Variants in CSMD1 observed in about 807,000 individuals in gnomAD.
The protein encoded by CSMD1 is CUB and Sushi multiple domains 1.
In CSMD1, 213 loss-of-function variants were observed where a neutral mutation model predicts 417.5. That is an observed-to-expected ratio of 0.51 (90% confidence interval 0.46 to 0.57). CSMD1 has a LOEUF of 0.57. Among genes scored for constraint, CSMD1 ranks in the 20% least tolerant of loss-of-function variants. The pLI is 0.00. For synonymous variants in CSMD1, 2,862 were observed against 1,736.8 expected, an observed-to-expected ratio of 1.65 and a Z score of -16.11; for missense variants, 6,923 against 4,529.7, an observed-to-expected ratio of 1.53 and a Z score of -15.17.
At chr8:3,600,989 C>G (rs375503176) in intron 8 of CSMD1, among the ~76,000 whole-genome samples, 43 of 152,280 alleles carry the variant, frequency 2.8e-4, no homozygotes, top group African/African-American at 9.4e-4. Context: ...CCAAGGGGGT[C>G]TCTGTACTAA....
chr8:3,304,139 A>G (rs1453976757), intron 25 of CSMD1, among the ~76,000 whole-genome samples: 1 of 152,178 alleles, frequency 6.6e-6, no homozygotes, highest in Non-Finnish European at 1.5e-5. Context: ...AGAGTGAAAA[A>G]TATTTACATT....
intron 3 of CSMD1, among the ~76,000 whole-genome samples, chr8:4,084,612 G>C (rs1327348259): frequency 6.6e-6 from 1 of 152,112 alleles, no homozygotes; most frequent in Admixed American, 6.6e-5. Flanking sequence ...ATGAAAGCGA[G>C]CCTTCCAGAG....
chr8:3,876,096 G>A (rs1340256489), intron 5 of CSMD1, among the ~76,000 whole-genome samples: 1 of 151,482 alleles, frequency 6.6e-6, no homozygotes, highest in Non-Finnish European at 1.5e-5. Flanking sequence ...CTATATATTT[G>A]TTTTCTTCCT....
At position 3,544,744 on chromosome 8, in the gene CSMD1, G is replaced by A. The variant is rs903671966; in HGVS notation, c.1344+30201C>T. On this transcript the variant is annotated intron_variant, in intron 10 of 69. Transcript: ENST00000635120. ...GTTCAGGGAGACCAGGATGCTGGGT[G>A]GAGACAGGGAATGGAGCCAAATCTT... Among the ~76,000 whole-genome samples, 14 of 152,196 alleles carry A rather than the reference G, an allele frequency of 9.2e-5. No individual in the cohort carries two copies. In the Middle Eastern group the frequency reaches 0.014, roughly 148 times the overall value.
chr8:4,952,616 G>C (rs189204866), intron 1 of CSMD1, among the ~76,000 whole-genome samples: 166 of 151,998 alleles, frequency 1.1e-3, no homozygotes, highest in African/African-American at 3.5e-3. Flanking sequence ...TTCACAATTA[G>C]AGCATAGTTG....
intron 3 of CSMD1, among the ~76,000 whole-genome samples, chr8:4,358,643 G>C (rs902103704): frequency 2.6e-5 from 4 of 152,180 alleles, no homozygotes; most frequent in African/African-American, 4.8e-5. Context: ...AATAATTTAT[G>C]AATTCCTTTT....
intron 5 of CSMD1, among the ~76,000 whole-genome samples, chr8:3,884,525 A>G (rs568999048): frequency 1.9e-4 from 29 of 152,284 alleles, no homozygotes; most frequent in African/African-American, 6.7e-4. Flanking sequence ...CGGGGTCCCA[A>G]CACTGCAGTC....
intron 49 of CSMD1, among the ~76,000 whole-genome samples, chr8:3,064,550 A>G (rs1413770177): frequency 4.6e-5 from 7 of 152,212 alleles, no homozygotes; most frequent in Non-Finnish European, 8.8e-5. Flanking sequence ...TATTTCTAGT[A>G]GTGTGAGAAT....
At chr8:3,333,474 A>T (rs937930728) in intron 23 of CSMD1, among the ~76,000 whole-genome samples, 2 of 152,238 alleles carry the variant, frequency 1.3e-5, no homozygotes, top group African/African-American at 4.8e-5. Flanking sequence ...CAGCTAGGTT[A>T]ACAGCTATGT....
chr8:4,959,939 A>G (rs1237592856), intron 1 of CSMD1, among the ~76,000 whole-genome samples: 1 of 152,194 alleles, frequency 6.6e-6, no homozygotes, highest in Non-Finnish European at 1.5e-5. Context: ...TTTTAAAATA[A>G]CACTTACTCT....
At chr8:4,932,882 T>G (rs1189774574) in intron 1 of CSMD1, among the ~76,000 whole-genome samples, 3 of 152,226 alleles carry the variant, frequency 2.0e-5, no homozygotes, top group African/African-American at 7.2e-5. Context: ...AATGCAATAT[T>G]AATTTTTACT....
intron 2 of CSMD1, among the ~76,000 whole-genome samples, chr8:4,425,185 T>C (rs1266414785): frequency 1.3e-5 from 2 of 152,040 alleles, no homozygotes; most frequent in Non-Finnish European, 2.9e-5. Flanking sequence ...AAATTGTGAT[T>C]ACGAAGGGGT....
At chr8:4,518,125 A>G (rs1327526264) in intron 2 of CSMD1, among the ~76,000 whole-genome samples, 1 of 152,174 alleles carries the variant, frequency 6.6e-6, no homozygotes, top group Non-Finnish European at 1.5e-5. Flanking sequence ...TTACAGTATT[A>G]TGTTTTTACT....
chr8:4,004,911 A>C (rs1293430385), intron 4 of CSMD1, among the ~76,000 whole-genome samples: 3 of 151,766 alleles, frequency 2.0e-5, no homozygotes, highest in Admixed American at 2.0e-4. Context: ...TGCCCAGCTA[A>C]TTTTTTGTAT....
rs182398738 is a variant in CSMD1, at chr8:4,059,464, G to C, written c.416-27365C>G. ...AATCAGAGCAGAACTGAAGGAAATA[G>C]AGATGCAAATAACCCTTCAAAAAAT... On this transcript the variant is annotated intron_variant, in intron 3 of 69. Transcript: ENST00000635120. Among the ~76,000 whole-genome samples, 298 of 150,700 alleles carry C rather than the reference G, an allele frequency of 2.0e-3. 5 individuals are homozygous for C. The highest frequency in any genetic ancestry group is 5.4e-4 in the Non-Finnish European group (36 of 67,006).
At chr8:4,870,720 C>T (rs1049001647) in intron 1 of CSMD1, among the ~76,000 whole-genome samples, 1 of 152,084 alleles carries the variant, frequency 6.6e-6, no homozygotes, top group African/African-American at 2.4e-5. Context: ...CCAGCCTTTG[C>T]CTTCCAGACA....
At chr8:3,578,771 C>T (rs1179821988) in intron 9 of CSMD1, among the ~76,000 whole-genome samples, 2 of 152,158 alleles carry the variant, frequency 1.3e-5, no homozygotes, top group Non-Finnish European at 2.9e-5. Flanking sequence ...TCCCTGGAGG[C>T]AGGGAAACTT....
intron 1 of CSMD1, among the ~76,000 whole-genome samples, chr8:4,659,701 T>C (rs893747319): frequency 2.6e-5 from 4 of 152,144 alleles, no homozygotes; most frequent in Non-Finnish European, 4.4e-5. Flanking sequence ...TGATAAACTG[T>C]TTCTCATACA....
chr8:4,408,156 G>A (rs543347370), intron 3 of CSMD1, among the ~76,000 whole-genome samples: 2 of 152,174 alleles, frequency 1.3e-5, no homozygotes, highest in African/African-American at 4.8e-5. Context: ...TGATTTAAAT[G>A]ACTACCAAAG....
Sources: allele counts gnomAD v4.1 joint callset (sites outside exome capture counted in the v4.1 genomes callset), GRCh38; gene constraint gnomAD v4.1.1; transcripts MANE v1.5; gene names NCBI Gene and HGNC (gene_info 2026-07-23, HGNC 2026-07-21).